Variants in RBMS1 observed in about 807,000 individuals in gnomAD.
RBMS1 encodes RNA-binding motif, single-stranded-interacting protein 1.
RBMS1 carries 17 observed loss-of-function variants against 62.3 expected under a neutral mutation model. The ratio of observed to expected loss-of-function variants is 0.27; its 90% CI spans 0.19 to 0.41. The LOEUF is 0.41. Among genes scored for constraint, RBMS1 ranks in the 10% least tolerant of loss-of-function variants. The pLI, the probability that RBMS1 is intolerant of heterozygous loss-of-function variation, is 1.00. For missense variants in RBMS1, 334 were observed against 504.5 expected (o/e 0.66, Z 3.24); for synonymous variants, 172 against 170.0 (o/e 1.01, Z -0.09).
intron 1 of RBMS1, among the ~76,000 whole-genome samples, chr2:160,426,269 G>GAAAGAAAGAAAGA (rs1682584311): frequency 4.2e-5 from 5 of 118,594 alleles, no homozygotes; most frequent in African/African-American, 1.6e-4. Flanking sequence ...AAGAAAGAAA[G>GAAAGAAAGAAAGA]AAAGAAAGAA....
Position 160,318,170 on chromosome 2 carries a change from T to C in RBMS1, c.309A>G (p.Lys103=). Residue 103 remains lysine, a splice_region_variant and synonymous_variant, in exon 3 of 14, where the codon AAA becomes AAG. Coordinates refer to ENST00000348849, the MANE Select transcript of RBMS1 (RefSeq NM_016836.4). The part of the protein sequence containing the change: ...AILDKTTNKC[K]GYGFVDFDSP... ...AAATAACCAGCCAAGAAAACATACC[T>C]TTGCATTTGTTCGTTGTCTTATCCA... is the stretch of plus-strand genomic sequence containing the variant. 1 of 1,591,444 alleles carries C rather than the reference T, an allele frequency of 6.3e-7. No homozygotes were observed. Among genetic ancestry groups the C allele is most frequent in the Non-Finnish European group, 8.5e-7 (1 of 1,173,122 alleles).
Position 160,313,943 on chromosome 2 carries a change from T to C in RBMS1, c.311-696A>G, listed in dbSNP as rs896608472. Among the ~76,000 whole-genome samples the C allele has an allele frequency of 7.9e-5, 12 of 152,322 alleles. 1 individual carries two copies. In the Middle Eastern group the frequency reaches 0.01, roughly 130 times the overall value. On this transcript the variant is annotated intron_variant, in intron 3 of 13. Coordinates refer to ENST00000348849, the MANE Select transcript of RBMS1 (RefSeq NM_016836.4). ...AACAAACACATAACCTCCTTAGAGA[T>C]GCTCTGGTTCAAAGTTTCCTTATCC... is the stretch of plus-strand genomic sequence containing the variant.
rs1482864539 is a variant in RBMS1 at position 160,303,235 on chromosome 2, G to A, written c.560+95C>T. 7.6e-6 allele frequency: 10 copies of A among 1,324,450 alleles called. No homozygotes were observed. The East Asian group carries it at 2.3e-4, about 30-fold the overall frequency. The allele number at this position is 1,324,450 out of a possible 1,614,324, so 82.0% of individuals were successfully genotyped here. ...CAGTGCAACTGCTCCCATAACCCTA[G>A]CTGAAACTGTCTCTTCTTAGTCATT... On this transcript the variant is annotated intron_variant, in intron 5 of 13. Coordinates refer to ENST00000348849, the MANE Select transcript of RBMS1 (RefSeq NM_016836.4).
At chr2:160,332,408 C>A (rs961551116) in intron 2 of RBMS1, among the ~76,000 whole-genome samples, 2 of 152,042 alleles carry the variant, frequency 1.3e-5, no homozygotes, top group African/African-American at 4.8e-5. Context: ...ATTGACCATG[C>A]CACAAACAAA....
chr2:160,424,865 G>T (rs1696580854), intron 1 of RBMS1, among the ~76,000 whole-genome samples: 1 of 151,814 alleles, frequency 6.6e-6, no homozygotes, highest in Non-Finnish European at 1.5e-5. Flanking sequence ...TAAAAAGGGG[G>T]AAAAAATGAG....
chr2:160,296,265 T>C (rs1391742149), intron 6 of RBMS1, among the ~76,000 whole-genome samples: 3 of 152,188 alleles, frequency 2.0e-5, no homozygotes, highest in Admixed American at 2.0e-4. Flanking sequence ...TTCCACTAGA[T>C]TGAGTTTCTT....
intron 2 of RBMS1, among the ~76,000 whole-genome samples, chr2:160,352,966 TATTAAG>T (rs1692599491): frequency 2.0e-5 from 3 of 152,154 alleles, no homozygotes; most frequent in Admixed American, 6.6e-5. Flanking sequence ...TTCCAGTTTC[TATTAAG>T]ATTAATTCAA....
chr2:160,397,738 A>G (rs1443440888), intron 1 of RBMS1, among the ~76,000 whole-genome samples: 1 of 152,132 alleles, frequency 6.6e-6, no homozygotes, highest in Non-Finnish European at 1.5e-5. Flanking sequence ...AAAGTTTACA[A>G]AGACCTCCCA....
chr2:160,278,510 C>T (rs753255328), intron 11 of RBMS1, 38 bp downstream of exon 11: 13 of 1,522,838 alleles, frequency 8.5e-6, no homozygotes, highest in Non-Finnish European at 1.2e-5. Context: ...TTACCCTCCT[C>T]TGTTTACAGA....
chr2:160,371,610 C>G (rs1693726836), intron 1 of RBMS1, among the ~76,000 whole-genome samples: 1 of 152,116 alleles, frequency 6.6e-6, no homozygotes, highest in Non-Finnish European at 1.5e-5. Flanking sequence ...GGATAGAAAA[C>G]AAAGTCACTC....
rs1284847429 is a variant in RBMS1, at chr2:160,385,855, A to T, written c.76-18464T>A. ...TACCACATGACAAACCTGCGCTCAC[A>T]AGAGACTCAGAATGGATGCTGGCTA... On this transcript the variant is annotated intron_variant, in intron 1 of 13. Transcript: ENST00000348849. Among the ~76,000 whole-genome samples the T allele has an allele frequency of 2.6e-5, 4 of 152,160 alleles. No individual in the cohort carries two copies. In the East Asian group the frequency reaches 7.7e-4, roughly 29 times the overall value.
At chr2:160,356,929 C>A (rs1273731217) in intron 2 of RBMS1, among the ~76,000 whole-genome samples, 1 of 152,118 alleles carries the variant, frequency 6.6e-6, no homozygotes, top group Non-Finnish European at 1.5e-5. Context: ...TAGATGTTTA[C>A]ACATTACACA....
Position 160,471,607 on chromosome 2 carries a change from C to T in RBMS1, c.75+21682G>A, listed in dbSNP as rs111251568. On this transcript the variant is annotated intron_variant, in intron 1 of 13. Coordinates refer to ENST00000348849, the MANE Select transcript of RBMS1 (RefSeq NM_016836.4). The stretch of plus-strand genomic sequence containing the variant: ...TATCTGGAGCAACTGGTTGATCTCT[C>T]GCAACTCACAACTTGTACTCCAAGA... 1.5e-4 allele frequency among the ~76,000 whole-genome samples: 23 copies of T among 148,730 alleles called. No individual in the cohort carries two copies. In the South Asian group the frequency reaches 4.5e-3, roughly 29 times the overall value.
intron 1 of RBMS1, among the ~76,000 whole-genome samples, chr2:160,457,213 C>T (rs1364459748): frequency 2.0e-5 from 3 of 152,060 alleles, no homozygotes; most frequent in African/African-American, 2.4e-5. Flanking sequence ...TCACTGCAAC[C>T]TCCCCCTCCT....
chr2:160,290,332 GA>G (rs1398861758), intron 6 of RBMS1, among the ~76,000 whole-genome samples: 1 of 151,744 alleles, frequency 6.6e-6, no homozygotes, highest in African/African-American at 2.4e-5. Flanking sequence ...GACTTTGAGT[GA>G]TATGTAAGTT....
At chr2:160,290,163 G>A (rs1452240735) in intron 6 of RBMS1, among the ~76,000 whole-genome samples, 5 of 147,458 alleles carry the variant, frequency 3.4e-5, no homozygotes, top group Non-Finnish European at 5.9e-5. Context: ...TTTTGGAGCT[G>A]AATATACAGG....
intron 2 of RBMS1, among the ~76,000 whole-genome samples, chr2:160,332,487 T>G (rs1390227826): frequency 1.3e-5 from 2 of 152,090 alleles, no homozygotes; most frequent in Non-Finnish European, 2.9e-5. Flanking sequence ...CTCCTCATTC[T>G]CTCTGGGATT....
At chr2:160,344,785 G>A (rs1352592269) in intron 2 of RBMS1, among the ~76,000 whole-genome samples, 2 of 152,100 alleles carry the variant, frequency 1.3e-5, no homozygotes, top group East Asian at 3.9e-4. Context: ...GGCTCTGCTG[G>A]TTGGGCTTCA....
At chr2:160,394,478 G>A (rs1300565251) in intron 1 of RBMS1, among the ~76,000 whole-genome samples, 1 of 152,194 alleles carries the variant, frequency 6.6e-6, no homozygotes, top group Non-Finnish European at 1.5e-5. Context: ...ATTAGAATGT[G>A]TGAGTTTTCC....
Sources: gnomAD v4.1 joint callset for allele counts (sites outside exome capture counted in the v4.1 genomes callset) on GRCh38, gnomAD v4.1.1 for gene constraint, MANE v1.5 for transcripts, NCBI Gene and HGNC (gene_info 2026-07-23, HGNC 2026-07-21) for gene names.